SLC9A5: variants seen among roughly 807,000 people sequenced by gnomAD.
The protein encoded by SLC9A5 is solute carrier family 9 member A5.
SLC9A5 carries 52 observed loss-of-function variants against 91.7 expected under a neutral mutation model. That is an observed-to-expected ratio of 0.57 (90% CI 0.45 to 0.71). The LOEUF is 0.71. Ranked by LOEUF, SLC9A5 falls within the 30% of genes least tolerant of loss-of-function variation. SLC9A5 has a pLI of 0.00. For synonymous variants in SLC9A5, 419 were observed against 474.5 expected, an observed-to-expected ratio of 0.88 and a Z score of 1.52; for missense variants, 871 against 1,158.9, an observed-to-expected ratio of 0.75 and a Z score of 3.61.
At chr16:67,260,377 A>AAAAAAAAAAAAAAAAT (rs2035492398) in intron 12 of SLC9A5, among the ~76,000 whole-genome samples, 1 of 150,158 alleles carries the variant, frequency 6.7e-6, no homozygotes, top group African/African-American at 2.5e-5. Context: ...AAAAAAAAAA[A>AAAAAAAAAAAAAAAAT]GAGTGTGGGT....
At position 67,255,994 on chromosome 16, in the gene SLC9A5, T is replaced by C. The variant is rs951183372; in HGVS notation, c.911+64T>C. The C allele has an allele frequency of 2.9e-5, 44 of 1,536,880 alleles. No individual in the cohort carries two copies. In the Admixed American group the frequency reaches 3.0e-4, roughly 11 times the overall value. Reference sequence around the variant, plus strand: ...GGGCACTGGAGATGGTTGCCCCTCATAGGGACACAGGCAGGAACTTCAGGA... The same window carrying C: ...GGGCACTGGAGATGGTTGCCCCTCACAGGGACACAGGCAGGAACTTCAGGA... On this transcript the variant is annotated intron_variant, in intron 5 of 15. Coordinates refer to ENST00000299798, the MANE Select transcript of SLC9A5 (RefSeq NM_004594.3). This position sits in a 1 kb window ranked among gnomAD's most constrained non-coding sequence, Gnocchi z 4.9.
At chr16:67,264,092 A>T (rs1488629570) in intron 12 of SLC9A5, among the ~76,000 whole-genome samples, 1 of 152,222 alleles carries the variant, frequency 6.6e-6, no homozygotes, top group African/African-American at 2.4e-5. Flanking sequence ...GAGAATCGGG[A>T]AAGGATGGCA....
At chr16:67,268,701 TATATATATA>T (rs1567421717) in intron 15 of SLC9A5, among the ~76,000 whole-genome samples, 8 of 94,652 alleles carry the variant, frequency 8.5e-5, no homozygotes, top group East Asian at 6.1e-4. Context: ...TATATATATA[TATATATATA>T]TTTTTACAGT....
intron 13 of SLC9A5, among the ~76,000 whole-genome samples, 180 bp downstream of exon 13, chr16:67,264,702 T>C (rs796409450): frequency 2.8e-4 from 42 of 152,158 alleles, no homozygotes; most frequent in African/African-American, 8.7e-4. Context: ...AAGGGTAAGG[T>C]GAGACCTTCA....
chr16:67,252,668 G>A lies in SLC9A5; in HGVS notation c.314G>A (p.Gly105Asp). 6.2e-7 allele frequency: 1 copy of A among 1,614,168 alleles called. No homozygotes were observed. Among genetic ancestry groups the A allele is most frequent in the South Asian group, 1.1e-5 (1 of 91,082 alleles). ...AAAGCTGAGTACCAGCTGGAGCCAG[G>A]CACCTTCTTCCTCTTCCTGCTGCCT... is the stretch of plus-strand genomic sequence containing the variant. The part of the protein sequence containing the change: ...AKKAEYQLEP[G>D]TFFLFLLPPI... Residue 105 changes from glycine (G) to aspartate (D), a missense_variant, in exon 2 of 16, where the codon GGC becomes GAC. Coordinates refer to ENST00000299798, the MANE Select transcript of SLC9A5 (RefSeq NM_004594.3). This position sits in a 1 kb window ranked among gnomAD's most constrained non-coding sequence, Gnocchi z 4.0.
In SLC9A5 at chr16:67,258,430, A is replaced by G; in HGVS notation, c.1609A>G (p.Ile537Val). Residue 537 changes from isoleucine (I) to valine (V), a missense_variant, in exon 10 of 16, where the codon ATC (isoleucine) becomes GTC (valine). Transcript: ENST00000299798. This position sits in a 1 kb window ranked among gnomAD's most constrained non-coding sequence, Gnocchi z 4.5. Reference sequence around the variant, plus strand: ...CTACAGGCTTAACATCCGGGATGCCATCAGCTTTGTGGACCAGGTGGGCCA... The same window carrying G: ...CTACAGGCTTAACATCCGGGATGCCGTCAGCTTTGTGGACCAGGTGGGCCA... The part of the protein sequence containing the change: ...VYYRLNIRDA[I>V]SFVDQGGHVL... 2 of 1,614,192 alleles carry G rather than the reference A, an allele frequency of 1.2e-6. No individual in the cohort carries two copies. The highest frequency in any genetic ancestry group is 1.7e-6 in the Non-Finnish European group (2 of 1,180,028).
intron 15 of SLC9A5, among the ~76,000 whole-genome samples, chr16:67,268,251 A>G (rs1454746734): frequency 6.6e-5 from 10 of 150,470 alleles, no homozygotes; most frequent in East Asian, 2.0e-4. Flanking sequence ...TCCTGAGCTC[A>G]AGTGATCTTT....
At chr16:67,267,250 C>A (rs990460672) in intron 15 of SLC9A5, among the ~76,000 whole-genome samples, 6 of 151,918 alleles carry the variant, frequency 3.9e-5, no homozygotes, top group Admixed American at 3.9e-4. Flanking sequence ...CCACACCCAG[C>A]TAATTTTGTA....
Position 67,255,988 on chromosome 16 carries a change from C to T in SLC9A5, c.911+58C>T. The T allele has an allele frequency of 6.4e-7, 1 of 1,564,042 alleles. No individual in the cohort carries two copies. The highest frequency in any genetic ancestry group is 8.7e-7 in the Non-Finnish European group (1 of 1,148,082). On this transcript the variant is annotated intron_variant, in intron 5 of 15. Transcript: ENST00000299798. This position sits in a 1 kb window ranked among gnomAD's most constrained non-coding sequence, Gnocchi z 4.9. ...GGGAGGGGGCACTGGAGATGGTTGC[C>T]CCTCATAGGGACACAGGCAGGAACT...
Position 67,270,460 on chromosome 16 carries a change from C to T in SLC9A5, c.2219-278C>T, listed in dbSNP as rs1239199879. 6.6e-6 allele frequency among the ~76,000 whole-genome samples: 1 copy of T among 152,146 alleles called. No individual in the cohort carries two copies. Among genetic ancestry groups the T allele is most frequent in the Non-Finnish European group, 1.5e-5 (1 of 68,034 alleles). On this transcript the variant is annotated intron_variant, in intron 15 of 15. Transcript: ENST00000299798. This position sits in a 1 kb window ranked among gnomAD's most constrained non-coding sequence, Gnocchi z 4.3. ...TTGGCCTCCCAAAGTGCTGGGATTA[C>T]GGCATGAGCCATAAGCCAACTTTCC...
chr16:67,269,015 G>A (rs1486053156), intron 15 of SLC9A5, among the ~76,000 whole-genome samples: 2 of 151,342 alleles, frequency 1.3e-5, no homozygotes, highest in African/African-American at 2.4e-5. Context: ...TTTTCTTCAC[G>A]ATGTATTTAC....
chr16:67,264,439 C>A lies in SLC9A5; in HGVS notation c.1930C>A (p.Arg644=). The A allele has an allele frequency of 6.2e-7, 1 of 1,614,168 alleles. No homozygotes were observed. Among genetic ancestry groups the A allele is most frequent in the African/African-American group, 1.3e-5 (1 of 75,050 alleles). ...GGTCTTCCAGCAGAACATGAAGCGG[C>A]GGCTGGAGTCCTTTAAGTCCACCAA... is the stretch of plus-strand genomic sequence containing the variant. ...KEVFQQNMKR[R]LESFKSTKHN... is the part of the protein sequence containing the mutation. The change falls in exon 13 of 16, where the codon CGG becomes AGG. Residue 644 remains arginine (R), a synonymous_variant. Transcript: ENST00000299798.
In SLC9A5 at chr16:67,255,608, G is replaced by A. The variant is rs1399756168; in HGVS notation, c.733+137G>A. Reference sequence around the variant, plus strand: ...TCTATAGAGAAATGGGGTCTGGGAGGGGCTTGCCAGGGATCCTGGCTCTGG... The same window carrying A: ...TCTATAGAGAAATGGGGTCTGGGAGAGGCTTGCCAGGGATCCTGGCTCTGG... On this transcript the variant is annotated intron_variant, in intron 4 of 15. Coordinates refer to ENST00000299798, the MANE Select transcript of SLC9A5 (RefSeq NM_004594.3). The surrounding 1 kb of genome is among the most constrained non-coding windows in gnomAD (Gnocchi z 4.9). 4.7e-6 allele frequency: 6 copies of A among 1,277,732 alleles called. No individual in the cohort carries two copies. Among genetic ancestry groups the A allele is most frequent in the Non-Finnish European group, 6.6e-6 (6 of 902,906 alleles). The allele number at this position is 1,277,732 out of a possible 1,614,324, so 79.1% of individuals were successfully genotyped here. A position where few individuals can be genotyped will look rare whatever the true frequency, so the allele number is the denominator to read the frequency against.
rs2035655319 is a variant in SLC9A5 at position 67,265,064 on chromosome 16, G to T, written c.2038G>T (p.Ala680Ser). The change falls in exon 14 of 16, where the codon GCT (alanine) becomes TCT (serine). Residue 680 changes from alanine (A) to serine (S), a missense_variant. Coordinates refer to ENST00000299798, the MANE Select transcript of SLC9A5 (RefSeq NM_004594.3). Reference protein sequence around the residue: ...RKKDGVANAEATNGKHRGLGF... With the variant: ...RKKDGVANAESTNGKHRGLGF... ...GAAGGATGGTGTGGCGAATGCTGAG[G>T]CTACAAATGGGAAACATCGAGGCCT... is the stretch of plus-strand genomic sequence containing the variant. The T allele has an allele frequency of 2.5e-6, 4 of 1,614,158 alleles. No individual in the cohort carries two copies. Among genetic ancestry groups the T allele is most frequent in the Non-Finnish European group, 2.5e-6 (3 of 1,180,030 alleles).
chr16:67,260,161 C>T (rs2035478527), intron 12 of SLC9A5, among the ~76,000 whole-genome samples: 1 of 151,756 alleles, frequency 6.6e-6, no homozygotes, highest in Non-Finnish European at 1.5e-5. Flanking sequence ...CCAGCCTGGC[C>T]AACATGGTAA....
Position 67,265,666 on chromosome 16 carries a change from G to A in SLC9A5, c.2081-422G>A, listed in dbSNP as rs562907111. On this transcript the variant is annotated intron_variant, in intron 14 of 15. Transcript: ENST00000299798. ...TTGAATGCCTAACCTCAGGTGATCC[G>A]CCTGCCTCAGCTTCCCAAAGTGTTG... is the stretch of plus-strand genomic sequence containing the variant. Among the ~76,000 whole-genome samples, 299 of 152,120 alleles carry A rather than the reference G, an allele frequency of 2.0e-3. 2 individuals carry two copies. The highest frequency in any genetic ancestry group is 0.01 in the Middle Eastern group (3 of 294).
At position 67,258,778 on chromosome 16, in the gene SLC9A5, G is replaced by A. The variant is rs2035411453; in HGVS notation, c.1626+331G>A. ...CAGGCATAAGAGGCTGGGCACGGTGGCTCACGCCTGTAATCCCAGCACTGT... is the reference window on the plus strand; with the variant it reads ...CAGGCATAAGAGGCTGGGCACGGTGACTCACGCCTGTAATCCCAGCACTGT... On this transcript the variant is annotated intron_variant, in intron 10 of 15. Coordinates refer to ENST00000299798, the MANE Select transcript of SLC9A5 (RefSeq NM_004594.3). This position sits in a 1 kb window ranked among gnomAD's most constrained non-coding sequence, Gnocchi z 4.5. Among the ~76,000 whole-genome samples the A allele has an allele frequency of 6.6e-6, 1 of 152,210 alleles. No homozygotes were observed. Among genetic ancestry groups the A allele is most frequent in the Non-Finnish European group, 1.5e-5 (1 of 68,036 alleles).
chr16:67,259,593 C>T lies in SLC9A5; in HGVS notation c.1647C>T (p.Ser549=), dbSNP rs749801924. The stretch of plus-strand genomic sequence containing the variant: ...TGCAGGGAGGCCACGTCTTGTCTTC[C>T]ACAGGTCTCACTCTGCCTTCTATGC... ...FVDQGGHVLS[S]TGLTLPSMPS... Residue 549 remains serine (S), a synonymous_variant, in exon 11 of 16, where the codon TCC becomes TCT. Transcript: ENST00000299798. 10 of 1,613,966 alleles carry T rather than the reference C, an allele frequency of 6.2e-6. 1 individual carries two copies. The South Asian group carries it at 6.6e-5, about 11-fold the overall frequency.
At chr16:67,265,865 G>A (rs1441084702) in intron 14 of SLC9A5, among the ~76,000 whole-genome samples, 2 of 152,186 alleles carry the variant, frequency 1.3e-5, no homozygotes, top group Admixed American at 6.5e-5. Flanking sequence ...TTCCTCCGGG[G>A]ACTTAGCTTC....
Sources: gnomAD v4.1 joint callset for allele counts (sites outside exome capture counted in the v4.1 genomes callset) on GRCh38, gnomAD v4.1.1 for gene constraint, Gnocchi (gnomAD v3.1) non-coding constraint, MANE v1.5 for transcripts, NCBI Gene and HGNC (gene_info 2026-07-23, HGNC 2026-07-21) for gene names.